ARAP1: variants seen among roughly 807,000 people sequenced by gnomAD.
ARAP1 encodes the protein ArfGAP with RhoGAP domain, ankyrin repeat and PH domain 1.
Under a neutral mutation model 172.2 loss-of-function variants are expected in ARAP1, and 76 were observed. That is an observed-to-expected ratio of 0.44 (90% confidence interval 0.37 to 0.53). The LOEUF (loss-of-function observed/expected upper bound fraction) is 0.53, where lower values mean the gene tolerates loss of function less well. Ranked by LOEUF, ARAP1 falls within the 20% of genes least tolerant of loss-of-function variation. ARAP1 has a pLI of 0.00. For missense variants in ARAP1, 1,686 were observed against 1,977.5 expected (o/e 0.85, Z 2.80); for synonymous variants, 804 against 803.3 (o/e 1.00, Z -0.01).
chr11:72,705,925 G>T, intron 12 of ARAP1, 35 bp from the exon 13 acceptor site: 1 of 1,608,316 alleles, frequency 6.2e-7, no homozygotes, highest in Non-Finnish European at 8.5e-7. Flanking sequence ...AATCACCTGG[G>T]CCCCCCCTTC....
At chr11:72,728,983 G>A (rs960251146) in intron 2 of ARAP1, among the ~76,000 whole-genome samples, 3 of 152,170 alleles carry the variant, frequency 2.0e-5, no homozygotes, top group African/African-American at 7.2e-5. Context: ...GGGGTGGAGG[G>A]CGGGGAGGGT....
chr11:72,724,444 G>A (rs917308197), intron 3 of ARAP1, among the ~76,000 whole-genome samples: 26 of 152,134 alleles, frequency 1.7e-4, no homozygotes, highest in African/African-American at 6.3e-4. Context: ...CTCCCACAAG[G>A]CGGGGGTGGG....
Position 72,703,327 on chromosome 11 carries a change from C to T in ARAP1, c.1993-248G>A, listed in dbSNP as rs573079913. On this transcript the variant is annotated intron_variant, in intron 14 of 34. Transcript: ENST00000393609. ...GATCCCAGCTGCCCGGGGCCTCACCCCTGCTGGCTGCCTGGACACAGCTGC... is the reference window on the plus strand; with the variant it reads ...GATCCCAGCTGCCCGGGGCCTCACCTCTGCTGGCTGCCTGGACACAGCTGC... 21 of 377,296 alleles carry T rather than the reference C, an allele frequency of 5.6e-5. 1 individual carries two copies. The East Asian group carries it at 8.5e-4, about 15-fold the overall frequency. 23.4% of individuals were successfully genotyped at this position (377,296 alleles called of 1,614,324 possible).
Position 72,748,468 on chromosome 11 carries a change from C to T in ARAP1, c.-128+3860G>A, listed in dbSNP as rs188484725. 5.6e-4 allele frequency among the ~76,000 whole-genome samples: 84 copies of T among 151,176 alleles called. No individual in the cohort carries two copies. The South Asian group carries it at 0.013, about 24-fold the overall frequency. The stretch of plus-strand genomic sequence containing the variant: ...CCGGGAGGCGGAGGTTGCAGTGAGC[C>T]GAGATCATGCCACCACACTTGAGCC... On this transcript the variant is annotated intron_variant, in intron 1 of 34. Coordinates refer to ENST00000393609, the MANE Select transcript of ARAP1 (RefSeq NM_001040118.3).
In ARAP1 at chr11:72,710,885, T is replaced by C. The variant is rs763932279; in HGVS notation, c.1213+136A>G. The C allele has an allele frequency of 2.4e-5, 37 of 1,525,440 alleles. No individual in the cohort carries two copies. Among genetic ancestry groups the C allele is most frequent in the Non-Finnish European group, 3.2e-5 (36 of 1,125,274 alleles). 94.5% of individuals were successfully genotyped at this position (1,525,440 alleles called of 1,614,324 possible). A position where few individuals can be genotyped will look rare whatever the true frequency, so the allele number is the denominator to read the frequency against. On this transcript the variant is annotated intron_variant, in intron 9 of 34. Transcript: ENST00000393609. The surrounding 1 kb of genome is among the most constrained non-coding windows in gnomAD (Gnocchi z 4.3). ...AGGGTGCCCCCTTCCTCTGCCCACC[T>C]CACAAAGGCAGCATGCCTCCCCGGA...
intron 1 of ARAP1, among the ~76,000 whole-genome samples, chr11:72,749,382 G>T (rs1336424875): frequency 6.6e-6 from 1 of 152,150 alleles, no homozygotes; most frequent in Non-Finnish European, 1.5e-5. Context: ...GGGTGGAATT[G>T]GTTAATATGG....
rs1031183364 is a variant in ARAP1 at position 72,687,768 on chromosome 11, G to A, written c.4071-30C>T. ...AGAGGAAGAAGGGAGAGAGTTGGGT[G>A]TTTGACAGGCCATAGAGGCTCAACA... On this transcript the variant is annotated intron_variant, in intron 31 of 34. Coordinates refer to ENST00000393609, the MANE Select transcript of ARAP1 (RefSeq NM_001040118.3). The A allele has an allele frequency of 3.7e-6, 6 of 1,613,604 alleles. No homozygotes were observed. The African/African-American group carries it at 5.3e-5, about 14-fold the overall frequency.
intron 30 of ARAP1, among the ~76,000 whole-genome samples, chr11:72,690,919 C>T (rs1236797696): frequency 6.6e-6 from 1 of 152,220 alleles, no homozygotes; most frequent in Admixed American, 6.5e-5. Context: ...AATATTCTGT[C>T]CTACTGCCGC....
In ARAP1 at chr11:72,712,285, C is replaced by T. The variant is rs148479849; in HGVS notation, c.933G>A (p.Ala311=). Residue 311 remains alanine, a synonymous_variant, in exon 7 of 35, where the codon GCG becomes GCA. Coordinates refer to ENST00000393609, the MANE Select transcript of ARAP1 (RefSeq NM_001040118.3). ...LSLSLPSTIA[A]PHPMDGPPGG... Reference sequence around the variant, plus strand: ...CAGGCGGCCCGTCCATGGGGTGTGGCGCAGCTATTGTGCTGGGCAAGGACA... The same window carrying T: ...CAGGCGGCCCGTCCATGGGGTGTGGTGCAGCTATTGTGCTGGGCAAGGACA... 65 of 1,594,384 alleles carry T rather than the reference C, an allele frequency of 4.1e-5. No individual in the cohort carries two copies. Among genetic ancestry groups the T allele is most frequent in the African/African-American group, 1.1e-4 (8 of 74,380 alleles).
In ARAP1 at chr11:72,695,974, T is replaced by G; in HGVS notation, c.3273-109A>C. On this transcript the variant is annotated intron_variant, in intron 23 of 34. Coordinates refer to ENST00000393609, the MANE Select transcript of ARAP1 (RefSeq NM_001040118.3). This position sits in a 1 kb window ranked among gnomAD's most constrained non-coding sequence, Gnocchi z 4.4. ...GACTGGTCTGGTCAGAGGGGACCAC[T>G]GTTTAACAGGGTAGGAACAGTTTTT... 7.5e-7 allele frequency: 1 copy of G among 1,336,466 alleles called. No individual in the cohort carries two copies. Among genetic ancestry groups the G allele is most frequent in the East Asian group, 2.5e-5 (1 of 40,158 alleles). 82.8% of individuals were successfully genotyped at this position (1,336,466 alleles called of 1,614,324 possible).
chr11:72,702,742 A>T (rs1856546636), intron 15 of ARAP1, among the ~76,000 whole-genome samples, 163 bp downstream of exon 15: 1 of 152,304 alleles, frequency 6.6e-6, no homozygotes, highest in Non-Finnish European at 1.5e-5. Flanking sequence ...ATGCATACGT[A>T]GTACAAATAC....
intron 1 of ARAP1, among the ~76,000 whole-genome samples, chr11:72,733,352 G>A (rs957453092): frequency 6.6e-6 from 1 of 152,182 alleles, no homozygotes; most frequent in African/African-American, 2.4e-5. Context: ...GGGGACCTTA[G>A]AGGACCCAGG....
chr11:72,734,555 G>A (rs997724263), intron 1 of ARAP1, among the ~76,000 whole-genome samples: 10 of 152,230 alleles, frequency 6.6e-5, no homozygotes, highest in African/African-American at 2.4e-4. Context: ...CTTACTGCAT[G>A]CCAGGTATCC....
chr11:72,709,407 G>T (rs1856908886), intron 11 of ARAP1, among the ~76,000 whole-genome samples: 1 of 152,240 alleles, frequency 6.6e-6, no homozygotes, highest in Non-Finnish European at 1.5e-5. Context: ...CTGAAGGCCT[G>T]GGAGTGGGCA....
At chr11:72,719,994 C>CACA (rs1857443011) in intron 3 of ARAP1, among the ~76,000 whole-genome samples, 1 of 152,154 alleles carries the variant, frequency 6.6e-6, no homozygotes, top group South Asian at 2.1e-4. Context: ...TGGGGCTCCC[C>CACA]ACAATTCTGA....
intron 3 of ARAP1, among the ~76,000 whole-genome samples, chr11:72,724,938 A>G (rs57614870): frequency 0.27 from 41,096 of 152,138 alleles, 5,845 homozygotes; most frequent in South Asian, 0.38. Context: ...GAGAGTAGGC[A>G]TTGGTACCCT....
intron 30 of ARAP1, among the ~76,000 whole-genome samples, chr11:72,690,004 A>G (rs1443883045): frequency 6.6e-6 from 1 of 152,186 alleles, no homozygotes. Flanking sequence ...AGACTGAGAC[A>G]GAGGCTATAA....
At chr11:72,736,611 T>C (rs1435318836) in intron 1 of ARAP1, among the ~76,000 whole-genome samples, 2 of 147,166 alleles carry the variant, frequency 1.4e-5, no homozygotes, top group East Asian at 4.0e-4. Flanking sequence ...AGCTGAGGGG[T>C]TTCCCTCCTC....
intron 22 of ARAP1, 90 bp from the exon 23 acceptor site, chr11:72,696,744 A>T: frequency 8.8e-7 from 1 of 1,133,912 alleles, no homozygotes; most frequent in Admixed American, 2.6e-5. Flanking sequence ...ATGGTGGGTG[A>T]CAGCAGTCCC....
Sources: allele counts gnomAD v4.1 joint callset (sites outside exome capture counted in the v4.1 genomes callset), GRCh38; gene constraint gnomAD v4.1.1; non-coding constraint Gnocchi (gnomAD v3.1); transcripts MANE v1.5; gene names NCBI Gene and HGNC (gene_info 2026-07-23, HGNC 2026-07-21).